TNNI3K: variants seen among roughly 807,000 people sequenced by gnomAD.
TNNI3K encodes TNNI3 interacting kinase, also known as serine/threonine-protein kinase TNNI3K.
A neutral mutation model predicts 114.5 loss-of-function variants in TNNI3K; 140 were observed. The observed-to-expected ratio is 1.22, with a 90% CI of 1.07 to 1.41. The LOEUF (loss-of-function observed/expected upper bound fraction) is 1.41. Ranked by LOEUF, TNNI3K falls within the 40% of genes most tolerant of loss-of-function variation. The probability of loss-of-function intolerance (pLI) is 0.00; values close to 1 mark genes in which losing one functional copy is unlikely to be tolerated. For synonymous variants in TNNI3K, 347 were observed against 347.5 expected, an observed-to-expected ratio of 1.00 and a Z score of 0.02; for missense variants, 1,125 against 1,007.6, an observed-to-expected ratio of 1.12 and a Z score of -1.58.
intron 5 of TNNI3K, among the ~76,000 whole-genome samples, chr1:74,330,556 T>G (rs1350684370): frequency 2.0e-5 from 3 of 152,164 alleles, no homozygotes; most frequent in African/African-American, 7.2e-5. Context: ...GAGACCAAGT[T>G]CTAACTACTA....
In TNNI3K at chr1:74,540,117, G is replaced by A. The variant is rs894060186; in HGVS notation, c.2352-117G>A. 4 of 1,074,184 alleles carry A rather than the reference G, an allele frequency of 3.7e-6. No individual in the cohort carries two copies. The African/African-American group carries it at 4.8e-5, about 13-fold the overall frequency. 66.5% of individuals were successfully genotyped at this position (1,074,184 alleles called of 1,614,324 possible). On this transcript the variant is annotated intron_variant, in intron 23 of 24. Transcript: ENST00000326637. ...ACTAGTTACTGTTAAGATAAAAGCT[G>A]CTTTGTATCACTTTGCCATTTCTCT...
chr1:74,297,685 T>G (rs927657099), intron 5 of TNNI3K, among the ~76,000 whole-genome samples: 5 of 152,212 alleles, frequency 3.3e-5, no homozygotes, highest in Middle Eastern at 3.2e-3. Context: ...TGATTTCATT[T>G]ATTTTCATTT....
At position 74,469,922 on chromosome 1, in the gene TNNI3K, G is replaced by A. The variant is rs138874311; in HGVS notation, c.2121+6372G>A. On this transcript the variant is annotated intron_variant, in intron 21 of 24. Transcript: ENST00000326637. ...GATGTAGTAGCATATTCAGCAGATG[G>A]TGGATACAGTACAGGTTTTGGAGCA... 143 of 400,596 alleles carry A rather than the reference G, an allele frequency of 3.6e-4. 1 individual carries two copies. The East Asian group carries it at 5.1e-3, about 14-fold the overall frequency. The allele number at this position is 400,596 out of a possible 1,614,324, so 24.8% of individuals were successfully genotyped here. A position where few individuals can be genotyped will look rare whatever the true frequency, so the allele number is the denominator to read the frequency against.
intron 4 of TNNI3K, among the ~76,000 whole-genome samples, chr1:74,259,864 T>A (rs1655561045): frequency 6.6e-6 from 1 of 152,136 alleles, no homozygotes; most frequent in African/African-American, 2.4e-5. Flanking sequence ...TAACTAGGCA[T>A]CCCTTAACCC....
intron 21 of TNNI3K, among the ~76,000 whole-genome samples, chr1:74,486,519 T>G (rs1055384442): frequency 1.3e-5 from 2 of 150,694 alleles, no homozygotes; most frequent in African/African-American, 4.9e-5. Context: ...TTTTTTTTTT[T>G]TGCCTCTGCA....
chr1:74,242,328 A>G (rs1654287052), intron 2 of TNNI3K, among the ~76,000 whole-genome samples: 2 of 152,198 alleles, frequency 1.3e-5, no homozygotes, highest in Non-Finnish European at 1.5e-5. Flanking sequence ...GTCACAATGT[A>G]TAGAGGAAAT....
At chr1:74,503,017 C>T (rs1030505969) in intron 23 of TNNI3K, among the ~76,000 whole-genome samples, 1 of 152,206 alleles carries the variant, frequency 6.6e-6, no homozygotes, top group African/African-American at 2.4e-5. Flanking sequence ...TCTACTTCAG[C>T]ATGATTTCTT....
intron 11 of TNNI3K, among the ~76,000 whole-genome samples, chr1:74,361,104 TA>T (rs1557520380): frequency 6.6e-6 from 1 of 152,130 alleles, no homozygotes; most frequent in Admixed American, 6.6e-5. Flanking sequence ...ACTATTTCTG[TA>T]AATATCATAG....
intron 23 of TNNI3K, among the ~76,000 whole-genome samples, chr1:74,535,463 G>A (rs1165640392): frequency 2.0e-5 from 3 of 151,990 alleles, no homozygotes; most frequent in African/African-American, 7.2e-5. Context: ...GAGAGGGACC[G>A]TGTCTCAAAT....
At chr1:74,262,374 C>A (rs1225695307) in intron 4 of TNNI3K, among the ~76,000 whole-genome samples, 2 of 151,962 alleles carry the variant, frequency 1.3e-5, no homozygotes, top group Non-Finnish European at 2.9e-5. Flanking sequence ...AAAATCACTC[C>A]CAGTTGAGAA....
At chr1:74,251,649 A>G (rs901287799) in intron 4 of TNNI3K, among the ~76,000 whole-genome samples, 6 of 152,132 alleles carry the variant, frequency 3.9e-5, no homozygotes, top group African/African-American at 1.4e-4. Context: ...CTGTGACAGA[A>G]TTTTATTTCA....
chr1:74,451,657 T>TTTTTCTTTTCTTTTCTTTTCTTTTC (rs1553148015), intron 20 of TNNI3K, among the ~76,000 whole-genome samples: 5 of 53,090 alleles, frequency 9.4e-5, no homozygotes, highest in Admixed American at 2.8e-4. Context: ...TTTCCTTTCT[T>TTTTTCTTTTCTTTTCTTTTCTTTTC]TTTTCTTTTC....
chr1:74,471,383 A>G, intron 21 of TNNI3K: 2 of 400,728 alleles, frequency 5.0e-6, no homozygotes, highest in Non-Finnish European at 8.8e-6. Context: ...TTAGGAGGCA[A>G]CAATACCTGC....
intron 23 of TNNI3K, among the ~76,000 whole-genome samples, chr1:74,507,166 A>G (rs570204194): frequency 1.0e-3 from 159 of 151,914 alleles, no homozygotes; most frequent in Non-Finnish European, 1.7e-3. Context: ...TTCTTTAAAT[A>G]TAGGTCCAGG....
At chr1:74,368,115 A>G (rs1174727812) in intron 13 of TNNI3K, 151 bp downstream of exon 13, 9 of 695,652 alleles carry the variant, frequency 1.3e-5, no homozygotes, top group African/African-American at 3.8e-5. Context: ...TTCATAATTA[A>G]CCTTACCCTT....
rs1244890163 is a variant in TNNI3K, at chr1:74,265,031, A to G, written c.334-6567A>G. On this transcript the variant is annotated intron_variant, in intron 4 of 24. Coordinates refer to ENST00000326637, the MANE Select transcript of TNNI3K (RefSeq NM_015978.3). ...ACAAATTATTAGCAGCTGAAGGGTA[A>G]TTGGTGGGGAGGGAGAAATAACATG... is the stretch of plus-strand genomic sequence containing the variant. Among the ~76,000 whole-genome samples the G allele has an allele frequency of 2.0e-5, 3 of 152,152 alleles. No homozygotes were observed. In the South Asian group the frequency reaches 6.2e-4, roughly 32 times the overall value.
rs535782 is a variant in TNNI3K at position 74,264,411 on chromosome 1, C to T, written c.334-7187C>T. Among the ~76,000 whole-genome samples, 396 of 152,048 alleles carry T rather than the reference C, an allele frequency of 2.6e-3. 2 individuals are homozygous for T. Among genetic ancestry groups the T allele is most frequent in the African/African-American group, 9.2e-3 (380 of 41,516 alleles). ...TGCCTAGAACTAAGTGCATTTCATA[C>T]TGAAGCCCTGAATAGTTCCTTGTCC... On this transcript the variant is annotated intron_variant, in intron 4 of 24. Transcript: ENST00000326637.
At chr1:74,451,683 T>TTTTCTTTTCTTTTC (rs1553148031) in intron 20 of TNNI3K, among the ~76,000 whole-genome samples, 21 of 76,274 alleles carry the variant, frequency 2.8e-4, no homozygotes, top group East Asian at 4.5e-4. Context: ...TTTTCTTTTC[T>TTTTCTTTTCTTTTC]TTTCTTTCTT....
intron 23 of TNNI3K, among the ~76,000 whole-genome samples, chr1:74,526,859 A>G (rs971245114): frequency 2.0e-5 from 3 of 152,218 alleles, no homozygotes; most frequent in Admixed American, 6.5e-5. Flanking sequence ...GGTAAATCCA[A>G]CTGCCTGCTT....
Sources: allele counts gnomAD v4.1 joint callset (sites outside exome capture counted in the v4.1 genomes callset), GRCh38; gene constraint gnomAD v4.1.1; transcripts MANE v1.5; gene names NCBI Gene and HGNC (gene_info 2026-07-23, HGNC 2026-07-21).